The following HCRTR2 variants were observed in gnomAD, a reference collection of about 807,000 sequenced individuals.
HCRTR2 encodes the protein hypocretin receptor 2.
A neutral mutation model predicts 49.0 loss-of-function variants in HCRTR2; 22 were observed. That is an observed-to-expected ratio of 0.45 (90% CI 0.32 to 0.64). HCRTR2 has a LOEUF of 0.64. Ranked by LOEUF, HCRTR2 falls within the 30% of genes least tolerant of loss-of-function variation. The probability of loss-of-function intolerance (pLI) is 0.04; values close to 1 mark genes in which losing one functional copy is unlikely to be tolerated. For missense variants in HCRTR2, 491 were observed against 559.4 expected, an observed-to-expected ratio of 0.88 and a Z score of 1.23; for synonymous variants, 236 against 205.3, an observed-to-expected ratio of 1.15 and a Z score of -1.28.
At chr6:55,229,307 G>A (rs974476099) in intron 1 of HCRTR2, among the ~76,000 whole-genome samples, 6 of 152,100 alleles carry the variant, frequency 3.9e-5, no homozygotes, top group Admixed American at 3.3e-4. Flanking sequence ...GGAACTATAG[G>A]CATGAACCAC....
chr6:55,221,431 T>C (rs997599338), intron 1 of HCRTR2, among the ~76,000 whole-genome samples: 1 of 152,162 alleles, frequency 6.6e-6, no homozygotes, highest in Non-Finnish European at 1.5e-5. Flanking sequence ...GATAGTCTCT[T>C]CAACAATTGT....
chr6:55,280,069 A>G (rs1767159142), intron 5 of HCRTR2, among the ~76,000 whole-genome samples: 1 of 152,210 alleles, frequency 6.6e-6, no homozygotes, highest in Non-Finnish European at 1.5e-5. Flanking sequence ...TTTACAAGAA[A>G]TACTGCATCT....
At chr6:55,157,984 A>G (rs1402172186) in intron 1 of HCRTR2, among the ~76,000 whole-genome samples, 1 of 152,186 alleles carries the variant, frequency 6.6e-6, no homozygotes, top group East Asian at 1.9e-4. Context: ...ATGAACATCC[A>G]CAAGCTTTAA....
chr6:55,214,148 C>T (rs1229419051), intron 1 of HCRTR2, among the ~76,000 whole-genome samples: 1 of 152,064 alleles, frequency 6.6e-6, no homozygotes, highest in African/African-American at 2.4e-5. Flanking sequence ...GAAGAGATTA[C>T]AAGCTCCTGA....
chr6:55,132,582 T>C (rs954934105), intron 1 of HCRTR2, among the ~76,000 whole-genome samples: 1 of 151,890 alleles, frequency 6.6e-6, no homozygotes. Context: ...TTGGGAGACA[T>C]AGATTATAAA....
intron 1 of HCRTR2, among the ~76,000 whole-genome samples, chr6:55,113,665 G>A (rs1401184524): frequency 6.6e-6 from 1 of 151,800 alleles, no homozygotes; most frequent in African/African-American, 2.4e-5. Context: ...GTGTGGATGT[G>A]GTGAAAAGGG....
At chr6:55,152,815 A>G (rs1480318900) in intron 1 of HCRTR2, among the ~76,000 whole-genome samples, 2 of 152,022 alleles carry the variant, frequency 1.3e-5, no homozygotes, top group African/African-American at 4.8e-5. Flanking sequence ...AGAGGACACA[A>G]ATATTTGCAT....
chr6:55,127,860 A>G (rs995548685), intron 1 of HCRTR2, among the ~76,000 whole-genome samples: 1 of 152,052 alleles, frequency 6.6e-6, no homozygotes, highest in Non-Finnish European at 1.5e-5. Context: ...ATTTTTCTCC[A>G]ATTTGTTAGA....
chr6:55,159,174 G>A (rs1486868752), intron 1 of HCRTR2, among the ~76,000 whole-genome samples: 3 of 152,090 alleles, frequency 2.0e-5, no homozygotes. Flanking sequence ...AGGGTCTGAC[G>A]TTGACCTCCA....
downstream of HCRTR2, among the ~76,000 whole-genome samples, chr6:55,284,173 C>T (rs372535045): frequency 2.0e-5 from 3 of 151,802 alleles, no homozygotes; most frequent in South Asian, 6.2e-4. Context: ...AGAGTAAATT[C>T]CTTAGACCCA....
In HCRTR2 at chr6:55,255,225, C is replaced by T. The variant is rs1357410011; in HGVS notation, c.492C>T (p.Ser164=). The part of the protein sequence containing the change: ...YAICHPLMFK[S]TAKRARNSIV... ...TCTGTCACCCTTTGATGTTTAAGAG[C>T]ACAGCAAAGCGGGCCCGTAACAGCA... Residue 164 remains serine, a synonymous_variant, in exon 3 of 7, where the codon AGC becomes AGT. Coordinates refer to ENST00000370862, the MANE Select transcript of HCRTR2 (RefSeq NM_001384272.1). 1.9e-6 allele frequency: 3 copies of T among 1,613,832 alleles called. No homozygotes were observed. The highest frequency in any genetic ancestry group is 2.5e-6 in the Non-Finnish European group (3 of 1,179,932).
intron 1 of HCRTR2, among the ~76,000 whole-genome samples, chr6:55,109,439 A>G (rs928069519): frequency 5.3e-5 from 8 of 152,142 alleles, no homozygotes; most frequent in Non-Finnish European, 1.0e-4. Flanking sequence ...GGCACCAGAG[A>G]AAGGTGAATA....
At chr6:55,239,782 T>A (rs1023701922) in intron 1 of HCRTR2, among the ~76,000 whole-genome samples, 1 of 148,148 alleles carries the variant, frequency 6.8e-6, no homozygotes, top group African/African-American at 2.5e-5. Flanking sequence ...ATTTTTTTTT[T>A]TTTTTTTTTT....
At chr6:55,126,932 T>C (rs1450558408) in intron 1 of HCRTR2, among the ~76,000 whole-genome samples, 2 of 151,876 alleles carry the variant, frequency 1.3e-5, no homozygotes, top group East Asian at 3.9e-4. Flanking sequence ...AGCTCAAGAG[T>C]CCCAGGTTGA....
At chr6:55,155,335 C>G (rs1459227709) in intron 1 of HCRTR2, among the ~76,000 whole-genome samples, 1 of 151,798 alleles carries the variant, frequency 6.6e-6, no homozygotes, top group South Asian at 2.1e-4. Context: ...ATTTCAAAGC[C>G]TGGTTCCTAA....
At chr6:55,173,802 A>G (rs1051603512), upstream of HCRTR2, among the ~76,000 whole-genome samples, 2 of 152,366 alleles carry the variant, frequency 1.3e-5, no homozygotes, top group South Asian at 2.1e-4. Flanking sequence ...CCTTCAGTTT[A>G]AAAACAGTCT....
chr6:55,168,593 T>C (rs1764908267), intron 1 of HCRTR2, among the ~76,000 whole-genome samples: 1 of 152,094 alleles, frequency 6.6e-6, no homozygotes, highest in African/African-American at 2.4e-5. Flanking sequence ...TGAGACAGTG[T>C]CTCATTCTGT....
At chr6:55,112,064 G>T (rs900228300) in intron 1 of HCRTR2, among the ~76,000 whole-genome samples, 2 of 151,986 alleles carry the variant, frequency 1.3e-5, no homozygotes, top group East Asian at 1.9e-4. Context: ...CTCAATAGAT[G>T]CAGAAAAAGC....
At chr6:55,229,235 T>C (rs1413788629) in intron 1 of HCRTR2, among the ~76,000 whole-genome samples, 1 of 152,170 alleles carries the variant, frequency 6.6e-6, no homozygotes, top group Non-Finnish European at 1.5e-5. Flanking sequence ...TGCTATGTTG[T>C]CCAAGCTGGC....
Sources: allele counts gnomAD v4.1 joint callset (sites outside exome capture counted in the v4.1 genomes callset), GRCh38; gene constraint gnomAD v4.1.1; transcripts MANE v1.5; gene names NCBI Gene and HGNC (gene_info 2026-07-23, HGNC 2026-07-21).